SGCZ: variants seen among roughly 807,000 people sequenced by gnomAD.
The protein encoded by SGCZ is zeta-sarcoglycan.
A neutral mutation model predicts 41.3 loss-of-function variants in SGCZ; 40 were observed. The ratio of observed to expected loss-of-function variants is 0.97; its 90% CI spans 0.75 to 1.26. The LOEUF is 1.26. Among genes scored for constraint, SGCZ ranks in the 50% most tolerant of loss-of-function variants. SGCZ has a pLI of 0.00. For missense variants in SGCZ, 552 were observed against 369.8 expected, an observed-to-expected ratio of 1.49 and a Z score of -4.04; for synonymous variants, 206 against 137.5, an observed-to-expected ratio of 1.50 and a Z score of -3.49.
In SGCZ at chr8:14,945,978, T is replaced by C. The variant is rs1240497439; in HGVS notation, c.39+291607A>G. ...GGACTTTTCAGCCTCCATAATAGCA[T>C]AAGCCAATTCCCCTACTAAATGTCC... is the stretch of plus-strand genomic sequence containing the variant. On this transcript the variant is annotated intron_variant, in intron 1 of 7. Transcript: ENST00000382080. Among the ~76,000 whole-genome samples, 12 of 111,364 alleles carry C rather than the reference T, an allele frequency of 1.1e-4. No individual in the cohort carries two copies. In the East Asian group the frequency reaches 2.9e-3, roughly 27 times the overall value. The allele number at this position is 111,364 out of a possible 152,430, so 73.1% of individuals were successfully genotyped here. A position where few individuals can be genotyped will look rare whatever the true frequency, so the allele number is the denominator to read the frequency against.
At chr8:14,444,744 A>G (rs1386042847) in intron 2 of SGCZ, among the ~76,000 whole-genome samples, 1 of 152,054 alleles carries the variant, frequency 6.6e-6, no homozygotes, top group Non-Finnish European at 1.5e-5. Context: ...GCACACCCGC[A>G]TGGCACATGT....
intron 2 of SGCZ, among the ~76,000 whole-genome samples, chr8:14,490,208 A>G (rs978961119): frequency 3.9e-5 from 6 of 152,108 alleles, no homozygotes; most frequent in Admixed American, 1.3e-4. Context: ...CAACTTTTAC[A>G]TGGTACAATA....
At chr8:14,440,236 G>T (rs1197886394) in intron 2 of SGCZ, among the ~76,000 whole-genome samples, 1 of 151,862 alleles carries the variant, frequency 6.6e-6, no homozygotes, top group East Asian at 1.9e-4. Context: ...TCTATCAAAA[G>T]ATATAAAAGA....
intron 2 of SGCZ, among the ~76,000 whole-genome samples, chr8:14,404,426 G>A (rs1049902711): frequency 5.3e-5 from 8 of 152,142 alleles, no homozygotes; most frequent in African/African-American, 1.9e-4. Context: ...AGCATTCAAA[G>A]AGGCAGGGGA....
At chr8:14,650,894 G>A (rs1274637891) in intron 1 of SGCZ, among the ~76,000 whole-genome samples, 1 of 151,922 alleles carries the variant, frequency 6.6e-6, no homozygotes, top group African/African-American at 2.4e-5. Flanking sequence ...CTATATACAG[G>A]CATGCTTAAG....
chr8:14,905,990 AT>A (rs1272690307), intron 1 of SGCZ, among the ~76,000 whole-genome samples: 1 of 152,068 alleles, frequency 6.6e-6, no homozygotes, highest in African/African-American at 2.4e-5. Context: ...TGGTTGAAAT[AT>A]TTTTTAAAAA....
At chr8:14,351,634 G>A (rs1402948673) in intron 2 of SGCZ, among the ~76,000 whole-genome samples, 1 of 151,502 alleles carries the variant, frequency 6.6e-6, no homozygotes, top group Admixed American at 6.6e-5. Flanking sequence ...TGTCATTTTA[G>A]TACCCACAAG....
chr8:14,763,277 A>T lies in SGCZ; in HGVS notation c.40-208351T>A, dbSNP rs1355544557. Among the ~76,000 whole-genome samples, 12 of 152,090 alleles carry T rather than the reference A, an allele frequency of 7.9e-5. No homozygotes were observed. The East Asian group carries it at 1.9e-3, about 24-fold the overall frequency. The stretch of plus-strand genomic sequence containing the variant: ...GTGAGATACTGTTCATTGCAGCCAC[A>T]CTTTACACCAAAAAGCAGTTCAGTG... On this transcript the variant is annotated intron_variant, in intron 1 of 7. Transcript: ENST00000382080.
At chr8:14,521,989 GT>G (rs906061617) in intron 2 of SGCZ, among the ~76,000 whole-genome samples, 1 of 151,934 alleles carries the variant, frequency 6.6e-6, no homozygotes, top group Non-Finnish European at 1.5e-5. Context: ...ATTTTAAAAT[GT>G]TTTTTTCTAA....
At chr8:14,394,596 T>C (rs1804913413) in intron 2 of SGCZ, among the ~76,000 whole-genome samples, 1 of 152,174 alleles carries the variant, frequency 6.6e-6, no homozygotes, top group Admixed American at 6.5e-5. Context: ...CATTCATGCA[T>C]TCATTCAGCA....
At chr8:14,849,605 G>A (rs767572543) in intron 1 of SGCZ, among the ~76,000 whole-genome samples, 4 of 152,072 alleles carry the variant, frequency 2.6e-5, no homozygotes, top group Admixed American at 6.6e-5. Context: ...AATCTATCAC[G>A]AAATGAAGCA....
chr8:14,937,325 T>C (rs1341203286), intron 1 of SGCZ, among the ~76,000 whole-genome samples: 1 of 152,030 alleles, frequency 6.6e-6, no homozygotes, highest in Non-Finnish European at 1.5e-5. Flanking sequence ...CAACATCAAA[T>C]AGTGAATAGA....
intron 7 of SGCZ, among the ~76,000 whole-genome samples, chr8:14,099,759 A>G (rs1231678037): frequency 6.6e-6 from 1 of 152,142 alleles, no homozygotes; most frequent in Non-Finnish European, 1.5e-5. Flanking sequence ...TTTTTCTTTG[A>G]TCTTGTGGTA....
At chr8:14,225,917 T>A (rs563093312) in intron 4 of SGCZ, among the ~76,000 whole-genome samples, 1 of 152,098 alleles carries the variant, frequency 6.6e-6, no homozygotes, top group Non-Finnish European at 1.5e-5. Context: ...TTATGATACC[T>A]CTGAAAGAAA....
Position 14,504,675 on chromosome 8 carries a change from C to G in SGCZ, c.234+50057G>C, listed in dbSNP as rs75831670. Among the ~76,000 whole-genome samples the G allele has an allele frequency of 9.1e-3, 1,383 of 151,596 alleles. 25 individuals carry two copies. The highest frequency in any genetic ancestry group is 0.032 in the African/African-American group (1,329 of 41,320). On this transcript the variant is annotated intron_variant, in intron 2 of 7. Coordinates refer to ENST00000382080, the MANE Select transcript of SGCZ (RefSeq NM_139167.4). Reference sequence around the variant, plus strand: ...GGTATCTTTATGTATTTATTTTGTTCACAGATGCCTGACATTCTTCAATAG... The same window carrying G: ...GGTATCTTTATGTATTTATTTTGTTGACAGATGCCTGACATTCTTCAATAG...
intron 1 of SGCZ, among the ~76,000 whole-genome samples, chr8:14,627,715 A>G (rs910419890): frequency 5.3e-5 from 8 of 151,732 alleles, no homozygotes; most frequent in African/African-American, 1.9e-4. Context: ...GCTGATCTGT[A>G]TAGGAAAAAC....
At chr8:14,955,484 G>C (rs1800762938) in intron 1 of SGCZ, among the ~76,000 whole-genome samples, 1 of 152,114 alleles carries the variant, frequency 6.6e-6, no homozygotes, top group Non-Finnish European at 1.5e-5. Context: ...ACTTAAGTAG[G>C]TAATACCAAG....
chr8:14,441,855 C>T (rs1800280905), intron 2 of SGCZ, among the ~76,000 whole-genome samples: 1 of 152,126 alleles, frequency 6.6e-6, no homozygotes, highest in Non-Finnish European at 1.5e-5. Context: ...GGTATTCTGA[C>T]CTGACACTGA....
intron 1 of SGCZ, among the ~76,000 whole-genome samples, chr8:14,897,144 T>C (rs1585359255): frequency 6.6e-6 from 1 of 152,308 alleles, no homozygotes; most frequent in East Asian, 1.9e-4. Context: ...GAAATAATTA[T>C]TAGCTTGATA....
Sources: gnomAD v4.1 joint callset for allele counts (sites outside exome capture counted in the v4.1 genomes callset) on GRCh38, gnomAD v4.1.1 for gene constraint, MANE v1.5 for transcripts, NCBI Gene and HGNC (gene_info 2026-07-23, HGNC 2026-07-21) for gene names.